LINC00305: variants seen among roughly 807,000 people sequenced by gnomAD.
The protein encoded by LINC00305 is long independently transcribed non-coding RNA 305, also known as long intergenic non-protein coding RNA 305.
At chr18:64,102,089 C>T (rs1331706149) in intron 1 of LINC00305, among the ~76,000 whole-genome samples, 2 of 152,118 alleles carry the variant, frequency 1.3e-5, no homozygotes, top group Non-Finnish European at 2.9e-5. Context: ...TGTTCCGATG[C>T]CCCCAGTGAC....
chr18:64,118,510 C>T (rs952348914), intron 1 of LINC00305, among the ~76,000 whole-genome samples: 2 of 151,932 alleles, frequency 1.3e-5, no homozygotes, highest in African/African-American at 4.8e-5. Flanking sequence ...TGTATGAGTG[C>T]TGATAAAATC....
At chr18:64,137,987 C>T (rs986144909) in intron 1 of LINC00305, among the ~76,000 whole-genome samples, 8 of 152,062 alleles carry the variant, frequency 5.3e-5, no homozygotes, top group African/African-American at 1.9e-4. Flanking sequence ...TATTAATTTC[C>T]TCAACTGAAA....
chr18:64,141,981 G>A (rs1284279356), intron 1 of LINC00305, among the ~76,000 whole-genome samples: 2 of 152,172 alleles, frequency 1.3e-5, no homozygotes, highest in Non-Finnish European at 2.9e-5. Flanking sequence ...AAAATGGGAT[G>A]TACATTATTG....
In LINC00305 at chr18:64,141,467, A is replaced by G. The variant is rs532800582; in HGVS notation, n.314+7308T>C. On this transcript the variant is annotated intron_variant and non_coding_transcript_variant, in intron 1 of 3. Coordinates refer to ENST00000666468, the Ensembl canonical transcript of LINC00305. The stretch of plus-strand genomic sequence containing the variant: ...TGAATTCTCTTTTACTTAAAAGATA[A>G]TCGTTGTAGAAAAAAGTGAAAATAA... 2.6e-5 allele frequency among the ~76,000 whole-genome samples: 4 copies of G among 152,296 alleles called. No individual in the cohort carries two copies. In the South Asian group the frequency reaches 6.2e-4, roughly 24 times the overall value.
intron 3 of LINC00305, among the ~76,000 whole-genome samples, chr18:64,095,160 T>C (rs1220716277): frequency 6.6e-6 from 1 of 152,054 alleles, no homozygotes; most frequent in African/African-American, 2.4e-5. Flanking sequence ...AGCTTAAAAT[T>C]TGAGAGGCGA....
chr18:64,103,571 A>T (rs539419292), intron 1 of LINC00305, among the ~76,000 whole-genome samples: 1 of 152,146 alleles, frequency 6.6e-6, no homozygotes, highest in Admixed American at 6.5e-5. Flanking sequence ...TACATTTCTT[A>T]AAAATGCATG....
chr18:64,091,359 G>A (rs183735622), intron 3 of LINC00305, among the ~76,000 whole-genome samples: 1 of 152,298 alleles, frequency 6.6e-6, no homozygotes, highest in African/African-American at 2.4e-5. Context: ...TGCAAATGGG[G>A]CAGCAAGGGT....
At chr18:64,108,446 G>C (rs2051300980) in intron 1 of LINC00305, among the ~76,000 whole-genome samples, 1 of 152,164 alleles carries the variant, frequency 6.6e-6, no homozygotes, top group Admixed American at 6.5e-5. Context: ...ACTCAGGTCA[G>C]AGAAGTAGGT....
chr18:64,121,322 A>G (rs1343202743), intron 1 of LINC00305, among the ~76,000 whole-genome samples: 1 of 151,272 alleles, frequency 6.6e-6, no homozygotes, highest in Non-Finnish European at 1.5e-5. Flanking sequence ...GTACCCCAAA[A>G]CCTCCGTCAT....
chr18:64,090,369 TAATA>T (rs2051220236), intron 3 of LINC00305, among the ~76,000 whole-genome samples: 1 of 152,204 alleles, frequency 6.6e-6, no homozygotes, highest in African/African-American at 2.4e-5. Flanking sequence ...ACTTACTTGA[TAATA>T]AAATTCTCCT....
chr18:64,138,633 T>C (rs1045225397), intron 1 of LINC00305, among the ~76,000 whole-genome samples: 3 of 152,190 alleles, frequency 2.0e-5, no homozygotes, highest in African/African-American at 4.8e-5. Flanking sequence ...TTAGTTCTAC[T>C]CCGGGTTGTT....
chr18:64,102,942 G>T (rs199692282), intron 1 of LINC00305, among the ~76,000 whole-genome samples: 1 of 152,140 alleles, frequency 6.6e-6, no homozygotes, highest in African/African-American at 2.4e-5. Flanking sequence ...CGTGAGATTT[G>T]GTTGGGGACA....
chr18:64,138,574 A>G (rs535544324), intron 1 of LINC00305, among the ~76,000 whole-genome samples: 3 of 152,168 alleles, frequency 2.0e-5, no homozygotes, highest in East Asian at 3.9e-4. Flanking sequence ...TTGGTTTGCA[A>G]TTTCTTTTCT....
intron 1 of LINC00305, among the ~76,000 whole-genome samples, chr18:64,105,033 TC>T (rs1266149253): frequency 6.6e-6 from 1 of 151,974 alleles, no homozygotes; most frequent in Non-Finnish European, 1.5e-5. Context: ...AGCTCCCCTC[TC>T]TTTACCTCCT....
intron 1 of LINC00305, among the ~76,000 whole-genome samples, chr18:64,114,138 C>T (rs1051508553): frequency 2.6e-5 from 4 of 152,206 alleles, no homozygotes; most frequent in African/African-American, 4.8e-5. Flanking sequence ...GGCGTGGTGG[C>T]GGGCGCCTGC....
chr18:64,092,131 T>C (rs560418832), intron 3 of LINC00305, among the ~76,000 whole-genome samples: 2 of 152,356 alleles, frequency 1.3e-5, no homozygotes, highest in African/African-American at 4.8e-5. Flanking sequence ...TCCTTTGGCT[T>C]TTCTCACAGG....
chr18:64,116,788 G>A (rs982494283), intron 1 of LINC00305, among the ~76,000 whole-genome samples: 1 of 152,062 alleles, frequency 6.6e-6, no homozygotes, highest in Non-Finnish European at 1.5e-5. Flanking sequence ...GAAAATGCTG[G>A]CCCTTGTTTC....
At chr18:64,142,072 G>A (rs1242818931) in intron 1 of LINC00305, among the ~76,000 whole-genome samples, 1 of 152,120 alleles carries the variant, frequency 6.6e-6, no homozygotes, top group Admixed American at 6.5e-5. Context: ...CATTTTGCTG[G>A]CTGAGCTGCA....
intron 1 of LINC00305, among the ~76,000 whole-genome samples, chr18:64,108,855 G>T (rs564386976): frequency 6.6e-6 from 1 of 152,202 alleles, no homozygotes; most frequent in East Asian, 1.9e-4. Flanking sequence ...CAAAGACTGC[G>T]AAGTATTTAT....
Sources: allele counts gnomAD v4.1 joint callset (sites outside exome capture counted in the v4.1 genomes callset), GRCh38; gene constraint gnomAD v4.1.1; transcripts MANE v1.5; gene names NCBI Gene and HGNC (gene_info 2026-07-23, HGNC 2026-07-21).